The following SLC4A10 variants were observed in gnomAD, a reference collection of about 807,000 sequenced individuals.
The protein encoded by SLC4A10 is sodium-driven chloride bicarbonate exchanger.
SLC4A10 carries 42 observed loss-of-function variants against 137.7 expected under a neutral mutation model. The ratio of observed to expected loss-of-function variants is 0.30; its 90% CI spans 0.24 to 0.39. The LOEUF is 0.39. Among genes scored for constraint, SLC4A10 ranks in the 10% least tolerant of loss-of-function variants. The pLI is 1.00. For missense variants in SLC4A10, 925 were observed against 1,355.0 expected (o/e 0.68, Z 4.98); for synonymous variants, 474 against 464.1 (o/e 1.02, Z -0.27).
intron 1 of SLC4A10, among the ~76,000 whole-genome samples, chr2:161,674,020 T>C (rs1171965390): frequency 6.6e-6 from 1 of 151,756 alleles, no homozygotes; most frequent in East Asian, 1.9e-4. Context: ...TCATTAAAAA[T>C]ATATTTGAAA....
chr2:161,897,568 T>A (rs2063638978), intron 11 of SLC4A10, among the ~76,000 whole-genome samples: 1 of 152,160 alleles, frequency 6.6e-6, no homozygotes, highest in Non-Finnish European at 1.5e-5. Context: ...TATGGATACC[T>A]CATTTTTATA....
In SLC4A10 at chr2:161,697,025, G is replaced by T. The variant is rs183808507; in HGVS notation, c.48+72459G>T. On this transcript the variant is annotated intron_variant, in intron 1 of 26. Coordinates refer to ENST00000446997, the MANE Select transcript of SLC4A10 (RefSeq NM_001178015.2). ...AACTGGTGTGAGATGGTATCTCACT[G>T]TGGTTTTGATGTGCATTTCTCTGAT... is the stretch of plus-strand genomic sequence containing the variant. Among the ~76,000 whole-genome samples the T allele has an allele frequency of 2.2e-3, 328 of 152,292 alleles. 2 individuals are homozygous for T. The highest frequency in any genetic ancestry group is 4.3e-3 in the Non-Finnish European group (295 of 68,030).
At chr2:161,645,940 T>C (rs1270814571) in intron 1 of SLC4A10, among the ~76,000 whole-genome samples, 1 of 152,050 alleles carries the variant, frequency 6.6e-6, no homozygotes, top group Non-Finnish European at 1.5e-5. Flanking sequence ...GGAAATAGTC[T>C]AAAAAGGTGA....
At chr2:161,634,967 A>C (rs774646528) in intron 1 of SLC4A10, among the ~76,000 whole-genome samples, 6 of 152,064 alleles carry the variant, frequency 3.9e-5, no homozygotes, top group Non-Finnish European at 8.8e-5. Context: ...AGTTTTGTAG[A>C]AAAATGTAAT....
chr2:161,670,408 C>A, intron 1 of SLC4A10, among the ~76,000 whole-genome samples: 1 of 151,558 alleles, frequency 6.6e-6, no homozygotes. Context: ...TATGCAAAAT[C>A]TGCTGGTCTA....
At chr2:161,981,157 G>T (rs942383240) in intron 26 of SLC4A10, among the ~76,000 whole-genome samples, 2 of 152,210 alleles carry the variant, frequency 1.3e-5, no homozygotes, top group African/African-American at 4.8e-5. Context: ...TTGATATTAT[G>T]AATCTTTTTA....
intron 1 of SLC4A10, among the ~76,000 whole-genome samples, chr2:161,730,937 T>C (rs2046760146): frequency 6.6e-6 from 1 of 152,194 alleles, no homozygotes; most frequent in Admixed American, 6.5e-5. Context: ...CTATAGTATT[T>C]ACAGTTAGAT....
chr2:161,804,642 A>T (rs1166601782), intron 3 of SLC4A10, 47 bp downstream of exon 3: 1 of 1,505,512 alleles, frequency 6.6e-7, no homozygotes, highest in Admixed American at 2.1e-5. Context: ...ATTGTAATAT[A>T]CTTGCTTATA....
intron 12 of SLC4A10, 178 bp downstream of exon 12, chr2:161,901,189 A>G: frequency 1.7e-6 from 1 of 598,956 alleles, no homozygotes; most frequent in Non-Finnish European, 3.1e-6. Flanking sequence ...ATTACTGTTA[A>G]ACTAAAACAG....
At chr2:161,893,978 A>T (rs2063186379) in intron 10 of SLC4A10, among the ~76,000 whole-genome samples, 1 of 152,042 alleles carries the variant, frequency 6.6e-6, no homozygotes, top group Non-Finnish European at 1.5e-5. Context: ...CCCCACTGAA[A>T]GTTGAGGAGC....
intron 15 of SLC4A10, among the ~76,000 whole-genome samples, chr2:161,927,129 T>C (rs1045693970): frequency 6.6e-6 from 1 of 152,238 alleles, no homozygotes; most frequent in Non-Finnish European, 1.5e-5. Context: ...GGGGAAGTTC[T>C]CCTGGATAAT....
chr2:161,650,309 C>T (rs945763649), intron 1 of SLC4A10, among the ~76,000 whole-genome samples: 1 of 152,240 alleles, frequency 6.6e-6, no homozygotes, highest in Non-Finnish European at 1.5e-5. Context: ...AAAGGTGAGG[C>T]GTCTTTTTTC....
intron 3 of SLC4A10, among the ~76,000 whole-genome samples, chr2:161,837,504 A>T (rs544483709): frequency 2.0e-5 from 3 of 152,334 alleles, no homozygotes; most frequent in Non-Finnish European, 4.4e-5. Flanking sequence ...ATTACACTTA[A>T]GGTACTATTC....
intron 6 of SLC4A10, among the ~76,000 whole-genome samples, chr2:161,865,161 T>G (rs1297937418): frequency 6.6e-6 from 1 of 152,066 alleles, no homozygotes; most frequent in Non-Finnish European, 1.5e-5. Flanking sequence ...AATAATTTCA[T>G]TGCATTTTTT....
At chr2:161,769,475 C>T (rs146623386) in intron 1 of SLC4A10, among the ~76,000 whole-genome samples, 288 of 151,918 alleles carry the variant, frequency 1.9e-3, no homozygotes, top group East Asian at 4.3e-3. Context: ...GAATCAGCAG[C>T]GCTTTGCAAG....
intron 1 of SLC4A10, among the ~76,000 whole-genome samples, chr2:161,664,428 T>G (rs139603864): frequency 6.6e-6 from 1 of 151,870 alleles, no homozygotes; most frequent in African/African-American, 2.4e-5. Flanking sequence ...TAAAAAATGG[T>G]TTTTAGAATT....
intron 1 of SLC4A10, among the ~76,000 whole-genome samples, chr2:161,644,112 T>C (rs1318178365): frequency 2.0e-5 from 3 of 151,816 alleles, no homozygotes; most frequent in African/African-American, 7.3e-5. Context: ...ATTAGATACT[T>C]ATATGCATAT....
chr2:161,754,751 T>C (rs988782556), intron 1 of SLC4A10, among the ~76,000 whole-genome samples: 9 of 152,210 alleles, frequency 5.9e-5, no homozygotes, highest in African/African-American at 1.9e-4. Context: ...GTTACTACTA[T>C]GTAAGAAAAT....
At chr2:161,727,470 C>A (rs1406469641) in intron 1 of SLC4A10, among the ~76,000 whole-genome samples, 1 of 152,008 alleles carries the variant, frequency 6.6e-6, no homozygotes, top group East Asian at 1.9e-4. Flanking sequence ...AAGATAGAAG[C>A]CAATACATTA....
Sources: gnomAD v4.1 joint callset for allele counts (sites outside exome capture counted in the v4.1 genomes callset) on GRCh38, gnomAD v4.1.1 for gene constraint, MANE v1.5 for transcripts, NCBI Gene and HGNC (gene_info 2026-07-23, HGNC 2026-07-21) for gene names.